Variants in MCM9 observed in about 807,000 individuals in gnomAD.
The protein encoded by MCM9 is DNA helicase MCM9.
MCM9 carries 55 observed loss-of-function variants against 72.8 expected under a neutral mutation model. That is an observed-to-expected ratio of 0.76 (90% confidence interval 0.61 to 0.95). The LOEUF (loss-of-function observed/expected upper bound fraction) is 0.95, where lower values mean the gene tolerates loss of function less well. Ranked by LOEUF, MCM9 falls within the 40% of genes least tolerant of loss-of-function variation. The pLI, the probability that MCM9 is intolerant of heterozygous loss-of-function variation, is 0.00. For synonymous variants in MCM9, 480 were observed against 503.4 expected, an observed-to-expected ratio of 0.95 and a Z score of 0.62; for missense variants, 1,279 against 1,377.0, an observed-to-expected ratio of 0.93 and a Z score of 1.13.
chr6:118,825,458 A>G (rs1159830892), intron 13 of MCM9, among the ~76,000 whole-genome samples: 2 of 152,098 alleles, frequency 1.3e-5, no homozygotes, highest in African/African-American at 4.8e-5. Flanking sequence ...GTGGTCCCCA[A>G]ATTCTTTGCA....
intron 13 of MCM9, among the ~76,000 whole-genome samples, chr6:118,820,434 G>C (rs1454017723): frequency 6.6e-6 from 1 of 152,170 alleles, no homozygotes; most frequent in African/African-American, 2.4e-5. Context: ...GTGCAGTTTT[G>C]AGTGAGTTTC....
intron 4 of MCM9, 80 bp downstream of exon 4, chr6:118,923,731 T>C (rs1781628454): frequency 8.2e-7 from 1 of 1,214,938 alleles, no homozygotes; most frequent in African/African-American, 1.5e-5. Context: ...ATCCATTCTG[T>C]GTTCCCTAAT....
chr6:118,843,875 GAA>G (rs1562407448), intron 9 of MCM9, among the ~76,000 whole-genome samples: 1 of 151,174 alleles, frequency 6.6e-6, no homozygotes, highest in Non-Finnish European at 1.5e-5. Context: ...AGGAGAAAGA[GAA>G]AAAGAGAAAG....
chr6:118,872,065 C>G (rs903734859), intron 8 of MCM9, among the ~76,000 whole-genome samples: 6 of 152,066 alleles, frequency 3.9e-5, no homozygotes, highest in African/African-American at 1.4e-4. Context: ...AGCCTGTAAT[C>G]CCAGCACTTT....
chr6:118,855,996 ATTTCTTT>A (rs1203315128), intron 9 of MCM9, among the ~76,000 whole-genome samples: 4 of 152,208 alleles, frequency 2.6e-5, no homozygotes, highest in Non-Finnish European at 5.9e-5. Flanking sequence ...GGAAACTATG[ATTTCTTT>A]TTTCTTTTTG....
In MCM9 at chr6:118,935,029, C is replaced by G. The variant is rs973408253; in HGVS notation, c.-288G>C. ...CGCGCGTGCACGTGGCCGCTCGAGG[C>G]GCCACCGGCCGCGGGGACGCGCGGG... On this transcript the variant is annotated 5_prime_UTR_variant, in exon 1 of 14. Coordinates refer to ENST00000619706, the MANE Select transcript of MCM9 (RefSeq NM_017696.3). The G allele has an allele frequency of 1.3e-5, 2 of 152,060 alleles. No homozygotes were observed. Among genetic ancestry groups the G allele is most frequent in the African/African-American group, 4.8e-5 (2 of 41,416 alleles). 9.4% of individuals were successfully genotyped at this position (152,060 alleles called of 1,614,324 possible).
intron 8 of MCM9, among the ~76,000 whole-genome samples, chr6:118,904,893 A>G (rs1008369064): frequency 1.3e-5 from 2 of 152,204 alleles, no homozygotes; most frequent in Non-Finnish European, 2.9e-5. Flanking sequence ...GCTGGAGTGC[A>G]GTAGTGCGAT....
rs1779153801 is a variant in MCM9, at chr6:118,893,984, C to G, written c.1150+17666G>C. ...CCCTCCGCCCCTCTCCGCGCCGCCG[C>G]CGGCGGCCTCCGCGCGGGCCTCCCA... On this transcript the variant is annotated intron_variant, in intron 8 of 13. Transcript: ENST00000619706. 5.1e-6 allele frequency: 5 copies of G among 976,494 alleles called. No individual in the cohort carries two copies. In the Admixed American group the frequency reaches 2.5e-4, roughly 49 times the overall value. 60.5% of individuals were successfully genotyped at this position (976,494 alleles called of 1,614,324 possible). A position where few individuals can be genotyped will look rare whatever the true frequency, so the allele number is the denominator to read the frequency against.
At chr6:118,845,039 C>T (rs1460519138) in intron 9 of MCM9, among the ~76,000 whole-genome samples, 1 of 151,632 alleles carries the variant, frequency 6.6e-6, no homozygotes, top group Non-Finnish European at 1.5e-5. Flanking sequence ...ATGAACTAGC[C>T]AGGAGTCTAG....
chr6:118,876,920 T>C (rs775730484), intron 8 of MCM9, among the ~76,000 whole-genome samples: 150 of 152,202 alleles, frequency 9.9e-4, no homozygotes, highest in Non-Finnish European at 1.8e-3. Context: ...TCCCCTCCCC[T>C]TGAATCAGGG....
chr6:118,874,221 C>T (rs1022388278), intron 8 of MCM9, among the ~76,000 whole-genome samples: 64 of 152,192 alleles, frequency 4.2e-4, no homozygotes, highest in African/African-American at 1.5e-3. Context: ...AGTCACTGCA[C>T]TCCAGCCTGC....
intron 8 of MCM9, among the ~76,000 whole-genome samples, chr6:118,892,139 G>A (rs558675201): frequency 6.6e-6 from 1 of 151,904 alleles, no homozygotes; most frequent in East Asian, 1.9e-4. Context: ...TAGTATCAAT[G>A]GTGAGGAAAC....
chr6:118,913,233 GAA>G, intron 7 of MCM9, 60 bp downstream of exon 7: 1 of 1,576,682 alleles, frequency 6.3e-7, no homozygotes, highest in Non-Finnish European at 8.6e-7. Context: ...ATTTGGGAAA[GAA>G]AAAGTTCTAG....
chr6:118,913,026 CA>C (rs1780667790), intron 7 of MCM9: 1 of 325,564 alleles, frequency 3.1e-6, no homozygotes, highest in African/African-American at 2.1e-5. Flanking sequence ...GTAATAGAAA[CA>C]AAGATTTTAT....
chr6:118,887,988 C>T (rs990252419), intron 8 of MCM9, among the ~76,000 whole-genome samples: 4 of 152,058 alleles, frequency 2.6e-5, no homozygotes, highest in African/African-American at 9.7e-5. Flanking sequence ...GACAGTTCTC[C>T]ACAGAAGATA....
rs370653399 is a variant in MCM9 at position 118,815,585 on chromosome 6, G to A, written c.2671C>T (p.Pro891Ser). 2 of 1,550,462 alleles carry A rather than the reference G, an allele frequency of 1.3e-6. No individual in the cohort carries two copies. Among genetic ancestry groups the A allele is most frequent in the Non-Finnish European group, 1.7e-6 (2 of 1,146,940 alleles). Residue 891 changes from proline (P) to serine (S), a missense_variant, in exon 14 of 14, where the codon CCC becomes TCC. Pro to Ser is a moderately conservative substitution (Grantham distance 74). Coordinates refer to ENST00000619706, the MANE Select transcript of MCM9 (RefSeq NM_017696.3). The part of the protein sequence containing the change: ...VHSPDRMLDS[P>S]KRKRPKSLAQ... ...AGGGATTTCGGTCTCTTTCTTTTGGGTGAGTCCAGCATTCTGTCTGGGCTA... is the reference window on the plus strand; with the variant it reads ...AGGGATTTCGGTCTCTTTCTTTTGGATGAGTCCAGCATTCTGTCTGGGCTA...
At chr6:118,872,243 C>CGGGAGGCGGAGCTTGCA (rs1777649345) in intron 8 of MCM9, among the ~76,000 whole-genome samples, 1 of 150,664 alleles carries the variant, frequency 6.6e-6, no homozygotes, top group Non-Finnish European at 1.5e-5. Context: ...GGAGTGAGCC[C>CGGGAGGCGGAGCTTGCA]GGGAGGCGGA....
In MCM9 at chr6:118,817,619, A is replaced by T. The variant is rs139917890; in HGVS notation, c.1962-1325T>A. 4.5e-3 allele frequency among the ~76,000 whole-genome samples: 679 copies of T among 152,314 alleles called. 12 individuals carry two copies. In the East Asian group the frequency reaches 0.048, roughly 11 times the overall value. ...AACATACGTGTGCATGTGTCTTTACAGTAGAATGATTTATAATCCTTTGGG... is the reference window on the plus strand; with the variant it reads ...AACATACGTGTGCATGTGTCTTTACTGTAGAATGATTTATAATCCTTTGGG... On this transcript the variant is annotated intron_variant, in intron 13 of 13. Transcript: ENST00000619706.
intron 8 of MCM9, among the ~76,000 whole-genome samples, chr6:118,879,379 A>C (rs983730560): frequency 7.5e-6 from 1 of 133,090 alleles, no homozygotes; most frequent in Non-Finnish European, 1.6e-5. Flanking sequence ...CCAAAACAGA[A>C]TTGAGGAAGC....
Sources: gnomAD v4.1 joint callset for allele counts (sites outside exome capture counted in the v4.1 genomes callset) on GRCh38, gnomAD v4.1.1 for gene constraint, MANE v1.5 for transcripts, NCBI Gene and HGNC (gene_info 2026-07-23, HGNC 2026-07-21) for gene names.